TRDN: variants seen among roughly 807,000 people sequenced by gnomAD.
TRDN encodes triadin in skeletal muscle.
In TRDN, 161 loss-of-function variants were observed where a neutral mutation model predicts 149.7. That is an observed-to-expected ratio of 1.08 (90% confidence interval 0.95 to 1.23). The LOEUF (loss-of-function observed/expected upper bound fraction) is 1.23, where lower values mean the gene tolerates loss of function less well. Ranked by LOEUF, TRDN falls within the 50% of genes most tolerant of loss-of-function variation. The pLI is 0.00. For missense variants in TRDN, 896 were observed against 823.5 expected (o/e 1.09, Z -1.08); for synonymous variants, 294 against 250.5 (o/e 1.17, Z -1.64).
At chr6:123,440,344 T>G (rs569683546) in intron 10 of TRDN, among the ~76,000 whole-genome samples, 1 of 152,304 alleles carries the variant, frequency 6.6e-6, no homozygotes, top group African/African-American at 2.4e-5. Context: ...GTTTCAGAGA[T>G]AGAAATAAAC....
intron 12 of TRDN, among the ~76,000 whole-genome samples, chr6:123,435,173 T>G (rs1774500949): frequency 6.6e-6 from 1 of 150,896 alleles, no homozygotes; most frequent in South Asian, 2.1e-4. Context: ...TAATAAAATA[T>G]CACAATAACA....
At position 123,402,506 on chromosome 6, in the gene TRDN, A is replaced by G. The variant is rs1463250540; in HGVS notation, c.1052-8829T>C. Among the ~76,000 whole-genome samples the G allele has an allele frequency of 4.6e-5, 7 of 152,224 alleles. No individual in the cohort carries two copies. In the South Asian group the frequency reaches 1.0e-3, roughly 22 times the overall value. ...ATTTGTTTAAAGGTTTTATTTTAATAAACCAAATGTTAAAGTTTGTTTAAA... is the reference window on the plus strand; with the variant it reads ...ATTTGTTTAAAGGTTTTATTTTAATGAACCAAATGTTAAAGTTTGTTTAAA... On this transcript the variant is annotated intron_variant, in intron 12 of 40. Coordinates refer to ENST00000334268, the MANE Select transcript of TRDN (RefSeq NM_006073.4).
chr6:123,471,231 T>C (rs1777130821), intron 9 of TRDN: 1 of 152,200 alleles, frequency 6.6e-6, no homozygotes, highest in Non-Finnish European at 1.5e-5. Flanking sequence ...ATGATGACTT[T>C]TATAATTTGA....
chr6:123,478,357 C>A (rs1777595524), intron 9 of TRDN, among the ~76,000 whole-genome samples: 1 of 152,172 alleles, frequency 6.6e-6, no homozygotes, highest in African/African-American at 2.4e-5. Flanking sequence ...GACCAGTCTC[C>A]ATGTTAGCTG....
chr6:123,433,162 A>ATATATATATATATATATATATAT (rs796874348), intron 12 of TRDN, among the ~76,000 whole-genome samples: 2 of 80,038 alleles, frequency 2.5e-5, no homozygotes, highest in East Asian at 3.9e-4. Flanking sequence ...ATATATATAT[A>ATATATATATATATATATATATAT]ATATATATAT....
chr6:123,353,224 C>T (rs1780534596), intron 20 of TRDN, among the ~76,000 whole-genome samples: 1 of 151,810 alleles, frequency 6.6e-6, no homozygotes. Flanking sequence ...TCAAGAAAAT[C>T]TTCAGAGTTC....
chr6:123,474,275 A>G (rs1383391526), intron 9 of TRDN, among the ~76,000 whole-genome samples: 2 of 152,148 alleles, frequency 1.3e-5, no homozygotes, highest in Non-Finnish European at 1.5e-5. Flanking sequence ...AAAACAAAAA[A>G]AGGCAGGGAT....
intron 24 of TRDN, among the ~76,000 whole-genome samples, chr6:123,286,439 C>G (rs1562246030): frequency 6.6e-6 from 1 of 152,142 alleles, no homozygotes; most frequent in East Asian, 1.9e-4. Context: ...GAAAGCCAAA[C>G]ATTGTATGTT....
At chr6:123,395,922 A>G (rs1772707105) in intron 12 of TRDN, among the ~76,000 whole-genome samples, 1 of 152,174 alleles carries the variant, frequency 6.6e-6, no homozygotes, top group African/African-American at 2.4e-5. Context: ...TACATGATCT[A>G]CATCTCAATA....
intron 7 of TRDN, among the ~76,000 whole-genome samples, chr6:123,504,982 A>C (rs965965006): frequency 6.6e-6 from 1 of 152,182 alleles, no homozygotes; most frequent in Non-Finnish European, 1.5e-5. Flanking sequence ...ATGGCGGCTC[A>C]TGCCTGTAAT....
chr6:123,487,395 CAT>C (rs1256922174), intron 9 of TRDN, among the ~76,000 whole-genome samples: 1 of 152,070 alleles, frequency 6.6e-6, no homozygotes, highest in Non-Finnish European at 1.5e-5. Context: ...TTAAGTCACA[CAT>C]AGTGCTCATC....
rs551071932 is a variant in TRDN at position 123,492,326 on chromosome 6, G to C, written c.853+4867C>G. Among the ~76,000 whole-genome samples, 29 of 152,138 alleles carry C rather than the reference G, an allele frequency of 1.9e-4. No individual in the cohort carries two copies. The South Asian group carries it at 4.4e-3, about 23-fold the overall frequency. On this transcript the variant is annotated intron_variant, in intron 9 of 40. Coordinates refer to ENST00000334268, the MANE Select transcript of TRDN (RefSeq NM_006073.4). ...AATCATAATAGTTACAGAGATGAAA[G>C]CTAAAAAAAATTATTAAAATTACTA...
intron 1 of TRDN, among the ~76,000 whole-genome samples, chr6:123,613,869 T>C (rs1341742420): frequency 2.0e-5 from 3 of 152,102 alleles, no homozygotes; most frequent in Non-Finnish European, 4.4e-5. Context: ...TTAAAAAGGC[T>C]CATATACATT....
chr6:123,380,712 G>GT (rs202134729), intron 16 of TRDN, among the ~76,000 whole-genome samples: 9,144 of 64,862 alleles, frequency 0.14, 892 homozygotes, highest in African/African-American at 0.4. Context: ...ATAAGTTCAA[G>GT]GGTTTTTTTT....
chr6:123,288,825 C>CA (rs1777890895), intron 24 of TRDN, among the ~76,000 whole-genome samples: 1 of 151,642 alleles, frequency 6.6e-6, no homozygotes, highest in South Asian at 2.1e-4. Flanking sequence ...GAAGGCTCCT[C>CA]AAAAAAACTA....
intron 38 of TRDN, among the ~76,000 whole-genome samples, chr6:123,238,614 T>C (rs1775876347): frequency 6.6e-6 from 1 of 152,124 alleles, no homozygotes; most frequent in South Asian, 2.1e-4. Flanking sequence ...TCATGATAAA[T>C]GTAAATAGTC....
At chr6:123,492,985 T>C (rs976763455) in intron 9 of TRDN, among the ~76,000 whole-genome samples, 1 of 152,112 alleles carries the variant, frequency 6.6e-6, no homozygotes, top group South Asian at 2.1e-4. Flanking sequence ...TTATGAGTTA[T>C]TAAAACACAT....
chr6:123,233,146 G>C (rs1430086343), intron 38 of TRDN, among the ~76,000 whole-genome samples: 1 of 152,038 alleles, frequency 6.6e-6, no homozygotes, highest in East Asian at 1.9e-4. Context: ...GCCAAATTGT[G>C]TGTAACCGGT....
chr6:123,371,019 T>A (rs1781304482), intron 19 of TRDN, among the ~76,000 whole-genome samples: 1 of 151,842 alleles, frequency 6.6e-6, no homozygotes, highest in Admixed American at 6.6e-5. Flanking sequence ...TTGTCCATTA[T>A]CTTTCTTTAT....
Sources: allele counts gnomAD v4.1 joint callset (sites outside exome capture counted in the v4.1 genomes callset), GRCh38; gene constraint gnomAD v4.1.1; transcripts MANE v1.5; gene names NCBI Gene and HGNC (gene_info 2026-07-23, HGNC 2026-07-21).